SLC9A3: variants seen among roughly 807,000 people sequenced by gnomAD.
SLC9A3 encodes sodium/hydrogen exchanger 3.
SLC9A3 carries 37 observed loss-of-function variants against 86.8 expected under a neutral mutation model. That is an observed-to-expected ratio of 0.43 (90% CI 0.33 to 0.56). The LOEUF (loss-of-function observed/expected upper bound fraction) is 0.56. Ranked by LOEUF, SLC9A3 falls within the 20% of genes least tolerant of loss-of-function variation. The pLI, the probability that SLC9A3 is intolerant of heterozygous loss-of-function variation, is 0.06. For synonymous variants in SLC9A3, 581 were observed against 528.3 expected, an observed-to-expected ratio of 1.10 and a Z score of -1.37; for missense variants, 1,011 against 1,171.9, an observed-to-expected ratio of 0.86 and a Z score of 2.00.
chr5:516,697 A>C lies in SLC9A3; in HGVS notation c.211+7415T>G, dbSNP rs190004184. Among the ~76,000 whole-genome samples the C allele has an allele frequency of 5.3e-3, 802 of 152,276 alleles. 3 individuals carry two copies. The highest frequency in any genetic ancestry group is 9.1e-3 in the Non-Finnish European group (616 of 68,012). ...TGGGCACATGACCCACTCCTGAGAG[A>C]GCTCTGTGTGGGGCAGATGGTGCTC... is the stretch of plus-strand genomic sequence containing the variant. On this transcript the variant is annotated intron_variant, in intron 1 of 16. Transcript: ENST00000264938.
At chr5:504,227 C>T (rs542040851) in intron 1 of SLC9A3, among the ~76,000 whole-genome samples, 4 of 82,344 alleles carry the variant, frequency 4.9e-5, no homozygotes, top group South Asian at 3.3e-4. Flanking sequence ...GTGGGGCTGC[C>T]GCCAGCTCCG....
At chr5:502,915 C>T (rs999198911) in intron 1 of SLC9A3, among the ~76,000 whole-genome samples, 14 of 150,988 alleles carry the variant, frequency 9.3e-5, no homozygotes, top group Admixed American at 2.6e-4. Context: ...GCCGCCGTAA[C>T]GACACAGATG....
At chr5:495,453 C>T (rs1283595763) in intron 1 of SLC9A3, among the ~76,000 whole-genome samples, 3 of 54,336 alleles carry the variant, frequency 5.5e-5, no homozygotes, top group Non-Finnish European at 1.2e-4. Context: ...CTCCACTCCC[C>T]GCGCCATCGC....
intron 1 of SLC9A3, among the ~76,000 whole-genome samples, chr5:508,643 G>A (rs1003764821): frequency 4.8e-5 from 7 of 146,506 alleles, no homozygotes; most frequent in Non-Finnish European, 1.1e-4. Context: ...GCCGCGGGGA[G>A]ACACAGCCCA....
rs192153299 is a variant in SLC9A3 at position 500,463 on chromosome 5, C to T, written c.212-8392G>A. 1.1e-3 allele frequency among the ~76,000 whole-genome samples: 165 copies of T among 151,772 alleles called. 2 individuals carry two copies. In the East Asian group the frequency reaches 0.025, roughly 23 times the overall value. On this transcript the variant is annotated intron_variant, in intron 1 of 16. Coordinates refer to ENST00000264938, the MANE Select transcript of SLC9A3 (RefSeq NM_004174.4). The stretch of plus-strand genomic sequence containing the variant: ...ACACACCAAGCACGGAGAGGCCAGG[C>T]GGGCCGGTGTGGACAGGGGGCCGGT...
intron 1 of SLC9A3, among the ~76,000 whole-genome samples, chr5:513,611 A>G (rs1358660861): frequency 6.6e-6 from 1 of 152,152 alleles, no homozygotes; most frequent in Non-Finnish European, 1.5e-5. Flanking sequence ...CCTGAGACAC[A>G]GTGGATGCTG....
At chr5:511,348 T>C (rs949737689) in intron 1 of SLC9A3, among the ~76,000 whole-genome samples, 5 of 152,232 alleles carry the variant, frequency 3.3e-5, no homozygotes, top group Non-Finnish European at 7.3e-5. Flanking sequence ...TGGACTTTAT[T>C]AAAATTAAAA....
intron 14 of SLC9A3, among the ~76,000 whole-genome samples, 168 bp from the exon 15 acceptor site, chr5:475,839 T>TC (rs1184892319): frequency 1.3e-5 from 2 of 151,928 alleles, no homozygotes; most frequent in Non-Finnish European, 2.9e-5. Flanking sequence ...GAGGGCAGTG[T>TC]CCCTGGAACC....
intron 1 of SLC9A3, among the ~76,000 whole-genome samples, chr5:509,630 C>T (rs952523564): frequency 6.6e-6 from 1 of 152,150 alleles, no homozygotes; most frequent in East Asian, 1.9e-4. Context: ...GGCATCACCA[C>T]AGCCATTCCC....
chr5:482,428 T>TA, intron 7 of SLC9A3, 120 bp downstream of exon 7: 1 of 839,714 alleles, frequency 1.2e-6, no homozygotes, highest in South Asian at 1.7e-5. Context: ...GGCTCCTAGT[T>TA]ACTAAAATTA....
intron 16 of SLC9A3, among the ~76,000 whole-genome samples, chr5:473,732 C>T (rs917936095): frequency 2.0e-5 from 3 of 152,210 alleles, no homozygotes; most frequent in Non-Finnish European, 4.4e-5. Context: ...TGGCGTCCCC[C>T]GGGTGCCTCC....
Position 479,969 on chromosome 5 carries a change from T to C in SLC9A3, c.1518-4A>G, listed in dbSNP as rs1739054778. 6.2e-7 allele frequency: 1 copy of C among 1,613,120 alleles called. No homozygotes were observed. The highest frequency in any genetic ancestry group is 8.5e-7 in the Non-Finnish European group (1 of 1,179,582). The stretch of plus-strand genomic sequence containing the variant: ...CTTCCTGTCGAAGTGGGACCACCTG[T>C]AGGGACAGACCTTGGGTGTGAGCCT... On this transcript the variant is annotated splice_region_variant and splice_polypyrimidine_tract_variant and intron_variant, in intron 9 of 16. Transcript: ENST00000264938.
In SLC9A3 at chr5:496,335, G is replaced by A. The variant is rs1441867101; in HGVS notation, c.212-4264C>T. On this transcript the variant is annotated intron_variant, in intron 1 of 16. Transcript: ENST00000264938. The surrounding 1 kb of genome is among the most constrained non-coding windows in gnomAD (Gnocchi z 4.7). Reference sequence around the variant, plus strand: ...CCCACCTGCCCACGGGGGAGGAGCCGCACCCATCCCCACCGGCCAGGCAGG... The same window carrying A: ...CCCACCTGCCCACGGGGGAGGAGCCACACCCATCCCCACCGGCCAGGCAGG... Among the ~76,000 whole-genome samples the A allele has an allele frequency of 2.0e-5, 3 of 152,090 alleles. No individual in the cohort carries two copies. The highest frequency in any genetic ancestry group is 1.9e-4 in the East Asian group (1 of 5,180).
At chr5:485,622 A>G (rs1247533554) in intron 3 of SLC9A3, among the ~76,000 whole-genome samples, 1 of 152,182 alleles carries the variant, frequency 6.6e-6, no homozygotes, top group Non-Finnish European at 1.5e-5. Context: ...ATGTTTTTAA[A>G]CCTTAGCCCG....
intron 1 of SLC9A3, among the ~76,000 whole-genome samples, chr5:493,038 G>T (rs1011602330): frequency 2.6e-4 from 39 of 152,194 alleles, no homozygotes; most frequent in Admixed American, 2.3e-3. Flanking sequence ...GGACCTCAGA[G>T]GCTCTGCCCG....
intron 1 of SLC9A3, among the ~76,000 whole-genome samples, chr5:505,675 T>G (rs1401316314): frequency 3.8e-4 from 1 of 2,658 alleles, no homozygotes; most frequent in African/African-American, 1.2e-3. Flanking sequence ...GGGTGGGGAG[T>G]GACCACGGGG....
intron 9 of SLC9A3, 127 bp from the exon 10 acceptor site, chr5:480,092 G>T (rs1739065473): frequency 3.8e-6 from 4 of 1,044,320 alleles, no homozygotes; most frequent in Non-Finnish European, 5.5e-6. Flanking sequence ...CGTTTAAAAT[G>T]AGGGAAGCAG....
chr5:484,382 C>T lies in SLC9A3; in HGVS notation c.932+138G>A, dbSNP rs1482890797. On this transcript the variant is annotated intron_variant, in intron 5 of 16. Coordinates refer to ENST00000264938, the MANE Select transcript of SLC9A3 (RefSeq NM_004174.4). ...CGGGTTGGGGTCCCCCTGGCTGGCT[C>T]GCCCCGCCGGACCCAGGAGGGTGTG... 272 of 329,006 alleles carry T rather than the reference C, an allele frequency of 8.3e-4. 8 individuals carry two copies. Among genetic ancestry groups the T allele is most frequent in the Non-Finnish European group, 2.3e-4 (44 of 189,506 alleles). The allele number at this position is 329,006 out of a possible 1,614,324, so 20.4% of individuals were successfully genotyped here. A position where few individuals can be genotyped will look rare whatever the true frequency, so the allele number is the denominator to read the frequency against.
chr5:509,270 T>C (rs1740769410), intron 1 of SLC9A3, among the ~76,000 whole-genome samples: 2 of 152,042 alleles, frequency 1.3e-5, no homozygotes, highest in South Asian at 2.1e-4. Flanking sequence ...GGCAGCATGG[T>C]GAAACTCTGT....
Sources: allele counts gnomAD v4.1 joint callset (sites outside exome capture counted in the v4.1 genomes callset), GRCh38; gene constraint gnomAD v4.1.1; non-coding constraint Gnocchi (gnomAD v3.1); transcripts MANE v1.5; gene names NCBI Gene and HGNC (gene_info 2026-07-23, HGNC 2026-07-21).